The following TBC1D5 variants were observed in gnomAD, a reference collection of about 807,000 sequenced individuals.
TBC1D5 encodes the protein TBC1 domain family member 5.
A neutral mutation model predicts 100.3 loss-of-function variants in TBC1D5; 75 were observed. That is an observed-to-expected ratio of 0.75 (90% confidence interval 0.62 to 0.91). TBC1D5 has a LOEUF of 0.91. TBC1D5 is among the 40% of genes least tolerant of loss of function. TBC1D5 has a pLI of 0.00. For synonymous variants in TBC1D5, 323 were observed against 325.6 expected (o/e 0.99, Z 0.09); for missense variants, 910 against 942.4 (o/e 0.97, Z 0.45).
intron 2 of TBC1D5, among the ~76,000 whole-genome samples, chr3:17,589,138 G>A (rs1424321558): frequency 6.6e-6 from 1 of 152,318 alleles, no homozygotes; most frequent in East Asian, 1.9e-4. Context: ...GAAGTTCTGA[G>A]AAGATTTTAA....
chr3:17,579,454 G>A (rs952720016), intron 2 of TBC1D5, among the ~76,000 whole-genome samples: 2 of 152,048 alleles, frequency 1.3e-5, no homozygotes, highest in African/African-American at 4.8e-5. Context: ...TGCCACAAGA[G>A]ACTACCAGAA....
chr3:17,732,723 AT>A (rs1332436778), intron 1 of TBC1D5, among the ~76,000 whole-genome samples: 2 of 150,596 alleles, frequency 1.3e-5, no homozygotes, highest in Admixed American at 6.6e-5. Context: ...TCTCAAAAAA[AT>A]AAATAAATAA....
chr3:17,218,765 G>A (rs926116542), intron 17 of TBC1D5, among the ~76,000 whole-genome samples: 1 of 151,978 alleles, frequency 6.6e-6, no homozygotes, highest in Non-Finnish European at 1.5e-5. Flanking sequence ...TTGATGAGAA[G>A]TCAGCTGTCA....
chr3:17,517,148 C>A (rs2096000817), intron 2 of TBC1D5, among the ~76,000 whole-genome samples: 1 of 152,128 alleles, frequency 6.6e-6, no homozygotes, highest in Non-Finnish European at 1.5e-5. Context: ...CTCATTAGAC[C>A]CAGAAAAAGG....
chr3:17,457,926 G>C (rs1166976388), intron 3 of TBC1D5, among the ~76,000 whole-genome samples: 2 of 152,098 alleles, frequency 1.3e-5, no homozygotes, highest in South Asian at 2.1e-4. Flanking sequence ...TGCTCTACAG[G>C]CTACCATTCC....
At chr3:17,444,145 T>A (rs1030723229) in intron 3 of TBC1D5, among the ~76,000 whole-genome samples, 2 of 152,248 alleles carry the variant, frequency 1.3e-5, no homozygotes, top group Middle Eastern at 6.8e-3. Context: ...TTATATTCCA[T>A]TTCTTGGATA....
intron 1 of TBC1D5, among the ~76,000 whole-genome samples, chr3:17,643,006 T>C (rs2064671635): frequency 6.6e-6 from 1 of 152,134 alleles, no homozygotes; most frequent in Admixed American, 6.6e-5. Flanking sequence ...TTAACTAAAC[T>C]GTGGGTCTTA....
chr3:17,368,558 A>G (rs1441092589), intron 13 of TBC1D5, among the ~76,000 whole-genome samples: 1 of 152,026 alleles, frequency 6.6e-6, no homozygotes. Flanking sequence ...CTTTTCCCCC[A>G]TGTAAATATA....
intron 1 of TBC1D5, among the ~76,000 whole-genome samples, chr3:17,677,891 C>A (rs1367265004): frequency 6.6e-6 from 1 of 152,080 alleles, no homozygotes; most frequent in East Asian, 1.9e-4. Flanking sequence ...CAAACTATCA[C>A]AAGGTCAAAA....
At chr3:17,428,200 C>T (rs1239685428) in intron 4 of TBC1D5, among the ~76,000 whole-genome samples, 2 of 151,724 alleles carry the variant, frequency 1.3e-5, no homozygotes, top group African/African-American at 4.8e-5. Flanking sequence ...TGGCTAACAA[C>T]AGATACTGCA....
At chr3:17,687,160 TC>T (rs2070409800) in intron 1 of TBC1D5, among the ~76,000 whole-genome samples, 1 of 152,174 alleles carries the variant, frequency 6.6e-6, no homozygotes, top group Admixed American at 6.5e-5. Flanking sequence ...AAATATGTAT[TC>T]TTCACTTATA....
chr3:17,346,347 T>A (rs1473017705), intron 13 of TBC1D5, among the ~76,000 whole-genome samples: 1 of 152,182 alleles, frequency 6.6e-6, no homozygotes, highest in African/African-American at 2.4e-5. Context: ...ATGGTTTTGA[T>A]TACAAAGTTA....
At chr3:17,354,059 C>T (rs776076618) in intron 13 of TBC1D5, among the ~76,000 whole-genome samples, 5 of 151,974 alleles carry the variant, frequency 3.3e-5, no homozygotes, top group Non-Finnish European at 5.9e-5. Flanking sequence ...AAAAAAGACA[C>T]GGTATGTAGT....
At chr3:17,476,823 A>G (rs569718009) in intron 3 of TBC1D5, among the ~76,000 whole-genome samples, 3 of 152,024 alleles carry the variant, frequency 2.0e-5, no homozygotes, top group African/African-American at 7.2e-5. Flanking sequence ...TAGTTTACTG[A>G]TTTATTGAAG....
intron 13 of TBC1D5, among the ~76,000 whole-genome samples, chr3:17,313,208 T>C (rs761039664): frequency 2.6e-5 from 4 of 152,146 alleles, no homozygotes; most frequent in Admixed American, 1.3e-4. Context: ...TGCTGAGAAG[T>C]AACCTCTCTA....
chr3:17,238,122 C>A (rs2076015786), intron 17 of TBC1D5, 41 bp downstream of exon 17: 3 of 1,588,470 alleles, frequency 1.9e-6, no homozygotes, highest in South Asian at 1.2e-5. Context: ...CCAGGCTACA[C>A]CATGAATGTT....
intron 13 of TBC1D5, among the ~76,000 whole-genome samples, chr3:17,344,939 C>A (rs567414967): frequency 3.3e-5 from 5 of 152,054 alleles, no homozygotes; most frequent in Non-Finnish European, 5.9e-5. Flanking sequence ...AAGACTTAAA[C>A]GTTAGACCTA....
At chr3:17,713,836 T>C (rs1288312766) in intron 1 of TBC1D5, among the ~76,000 whole-genome samples, 1 of 152,026 alleles carries the variant, frequency 6.6e-6, no homozygotes, top group Non-Finnish European at 1.5e-5. Flanking sequence ...AATGGGAAAG[T>C]AGGGAGCAAA....
At chr3:17,233,857 A>G (rs879163846) in intron 17 of TBC1D5, 107 bp from the exon 18 acceptor site, 3 of 617,808 alleles carry the variant, frequency 4.9e-6, no homozygotes, top group South Asian at 2.6e-5. Context: ...TACTAAAAAT[A>G]TAGTACAAAA....
Sources: allele counts gnomAD v4.1 joint callset (sites outside exome capture counted in the v4.1 genomes callset), GRCh38; gene constraint gnomAD v4.1.1; transcripts MANE v1.5; gene names NCBI Gene and HGNC (gene_info 2026-07-23, HGNC 2026-07-21).